The following CACNB4 variants were observed in gnomAD, a reference collection of about 807,000 sequenced individuals.
CACNB4 encodes the protein voltage-dependent L-type calcium channel subunit beta-4.
Under a neutral mutation model 71.2 loss-of-function variants are expected in CACNB4, and 32 were observed. The ratio of observed to expected loss-of-function variants is 0.45; its 90% CI spans 0.34 to 0.60. The LOEUF (loss-of-function observed/expected upper bound fraction) is 0.60. Among genes scored for constraint, CACNB4 ranks in the 20% least tolerant of loss-of-function variants. The pLI is 0.01. For missense variants in CACNB4, 464 were observed against 647.9 expected, an observed-to-expected ratio of 0.72 and a Z score of 3.08; for synonymous variants, 231 against 236.9, an observed-to-expected ratio of 0.97 and a Z score of 0.23.
chr2:151,939,164 A>T (rs768005226), intron 2 of CACNB4, among the ~76,000 whole-genome samples: 22 of 152,240 alleles, frequency 1.4e-4, no homozygotes, highest in Non-Finnish European at 2.4e-4. Flanking sequence ...GCATCCAAAA[A>T]GCAGGAAGGC....
At chr2:152,040,560 G>T (rs776480503) in intron 2 of CACNB4, among the ~76,000 whole-genome samples, 1 of 152,106 alleles carries the variant, frequency 6.6e-6, no homozygotes. Flanking sequence ...TACTGCCTCA[G>T]CTTCCTGAGT....
intron 2 of CACNB4, among the ~76,000 whole-genome samples, chr2:151,938,269 C>T (rs1334899660): frequency 6.6e-6 from 1 of 152,206 alleles, no homozygotes; most frequent in Non-Finnish European, 1.5e-5. Context: ...AATAGAGCCA[C>T]CTGGCCAACT....
At chr2:151,992,648 G>C (rs951696952) in intron 2 of CACNB4, among the ~76,000 whole-genome samples, 2 of 152,168 alleles carry the variant, frequency 1.3e-5, no homozygotes, top group Non-Finnish European at 2.9e-5. Flanking sequence ...ATGCAAACCA[G>C]CACCCGGGGG....
intron 2 of CACNB4, among the ~76,000 whole-genome samples, chr2:151,906,345 C>A (rs1312421188): frequency 6.6e-6 from 1 of 152,152 alleles, no homozygotes; most frequent in East Asian, 1.9e-4. Flanking sequence ...CAAAACATTT[C>A]TTTTGCAGGG....
chr2:151,963,897 C>A (rs774930305), intron 2 of CACNB4, among the ~76,000 whole-genome samples: 2 of 151,738 alleles, frequency 1.3e-5, no homozygotes, highest in Non-Finnish European at 2.9e-5. Flanking sequence ...GTGAAACTCC[C>A]GTCTCTACTA....
At chr2:152,030,450 A>C (rs1398068231) in intron 2 of CACNB4, among the ~76,000 whole-genome samples, 1 of 152,196 alleles carries the variant, frequency 6.6e-6, no homozygotes, top group Non-Finnish European at 1.5e-5. Flanking sequence ...ATTGAAAAGA[A>C]TTTTATGTAT....
At chr2:151,987,162 T>C (rs1482100535) in intron 2 of CACNB4, among the ~76,000 whole-genome samples, 1 of 152,206 alleles carries the variant, frequency 6.6e-6, no homozygotes, top group African/African-American at 2.4e-5. Flanking sequence ...AATTATTCTA[T>C]TTGCTCTGCA....
intron 2 of CACNB4, among the ~76,000 whole-genome samples, chr2:151,931,198 T>C (rs1046169617): frequency 5.3e-5 from 8 of 152,194 alleles, no homozygotes; most frequent in Non-Finnish European, 1.2e-4. Flanking sequence ...TGGCTATTGA[T>C]CAAGAATTGC....
At chr2:152,064,000 T>C (rs1191887602) in intron 2 of CACNB4, among the ~76,000 whole-genome samples, 1 of 152,258 alleles carries the variant, frequency 6.6e-6, no homozygotes, top group East Asian at 1.9e-4. Flanking sequence ...CTGTTCTAAA[T>C]TCATTGTAAT....
chr2:151,893,779 T>C (rs929668083), intron 2 of CACNB4, among the ~76,000 whole-genome samples: 1 of 152,058 alleles, frequency 6.6e-6, no homozygotes, highest in Non-Finnish European at 1.5e-5. Context: ...AAAAATACAA[T>C]AATCAGTCAA....
chr2:151,877,673 T>C (rs1194918765), intron 4 of CACNB4, among the ~76,000 whole-genome samples: 1 of 152,172 alleles, frequency 6.6e-6, no homozygotes, highest in East Asian at 1.9e-4. Context: ...TCTTACTACT[T>C]GAAGAAAAAG....
rs2099847168 is a variant in CACNB4 at position 151,878,926 on chromosome 2, G to C, written c.390+1874C>G. Among the ~76,000 whole-genome samples, 6 of 151,978 alleles carry C rather than the reference G, an allele frequency of 3.9e-5. No individual in the cohort carries two copies. The South Asian group carries it at 1.2e-3, about 32-fold the overall frequency. On this transcript the variant is annotated intron_variant, in intron 4 of 13. Coordinates refer to ENST00000539935, the MANE Select transcript of CACNB4 (RefSeq NM_000726.5). ...AACCTGTCTCCAAAAAAATAAAAAAGAAAAGAAAAGAAAAAAATGTGAATT... is the reference window on the plus strand; with the variant it reads ...AACCTGTCTCCAAAAAAATAAAAAACAAAAGAAAAGAAAAAAATGTGAATT...
At chr2:151,841,407 T>C (rs1295126277) in intron 13 of CACNB4, among the ~76,000 whole-genome samples, 8 of 152,048 alleles carry the variant, frequency 5.3e-5, no homozygotes, top group Non-Finnish European at 1.5e-5. Flanking sequence ...ACACTGACAC[T>C]GTCTCTACAA....
intron 2 of CACNB4, among the ~76,000 whole-genome samples, chr2:151,920,754 T>C (rs2099858784): frequency 1.3e-5 from 2 of 152,190 alleles, no homozygotes; most frequent in South Asian, 2.1e-4. Context: ...AGGATCATAA[T>C]TGACAAGTAA....
chr2:152,023,420 C>T (rs541319715), intron 2 of CACNB4, among the ~76,000 whole-genome samples: 54 of 108,350 alleles, frequency 5.0e-4, no homozygotes, highest in African/African-American at 1.7e-3. Context: ...TAAAGGCCAC[C>T]GTAAAAGTGA....
At chr2:151,961,918 C>A (rs1448289414) in intron 2 of CACNB4, among the ~76,000 whole-genome samples, 1 of 152,030 alleles carries the variant, frequency 6.6e-6, no homozygotes, top group Non-Finnish European at 1.5e-5. Context: ...AGAATGTCTC[C>A]CAATTGCATG....
chr2:152,079,893 C>T lies in CACNB4; in HGVS notation c.147+18437G>A, dbSNP rs531757665. Among the ~76,000 whole-genome samples the T allele has an allele frequency of 2.6e-5, 4 of 152,326 alleles. No homozygotes were observed. In the South Asian group the frequency reaches 8.3e-4, roughly 32 times the overall value. On this transcript the variant is annotated intron_variant, in intron 2 of 13. Transcript: ENST00000539935. ...AAAGGCTGATGTCTGAGTCCCACCC[C>T]TAAGAAATCCAGATATCATTAGGCT...
chr2:152,097,564 G>A (rs1288306899), intron 2 of CACNB4, among the ~76,000 whole-genome samples: 1 of 149,564 alleles, frequency 6.7e-6, no homozygotes, highest in African/African-American at 2.6e-5. Context: ...ATGGACAGTT[G>A]GAAAACTGAG....
intron 2 of CACNB4, among the ~76,000 whole-genome samples, chr2:151,912,572 G>C (rs2099856460): frequency 6.6e-6 from 1 of 152,190 alleles, no homozygotes; most frequent in African/African-American, 2.4e-5. Context: ...TTGCTGAAGT[G>C]TTTTACTTCC....
Sources: gnomAD v4.1 joint callset for allele counts (sites outside exome capture counted in the v4.1 genomes callset) on GRCh38, gnomAD v4.1.1 for gene constraint, MANE v1.5 for transcripts, NCBI Gene and HGNC (gene_info 2026-07-23, HGNC 2026-07-21) for gene names.